The following ESRRG variants were observed in gnomAD, a reference collection of about 807,000 sequenced individuals.
The protein encoded by ESRRG is estrogen related receptor gamma, also known as estrogen-related receptor gamma.
A neutral mutation model predicts 44.0 loss-of-function variants in ESRRG; 13 were observed. The observed-to-expected ratio is 0.30, with a 90% CI of 0.19 to 0.47. The LOEUF is 0.47. ESRRG is among the 20% of genes least tolerant of loss of function. The pLI is 1.00. For missense variants in ESRRG, 395 were observed against 580.6 expected (o/e 0.68, Z 3.29); for synonymous variants, 215 against 214.6 (o/e 1.00, Z -0.02).
upstream of ESRRG, among the ~76,000 whole-genome samples, chr1:216,723,643 G>T (rs532804756): frequency 3.9e-5 from 6 of 152,180 alleles, no homozygotes; most frequent in South Asian, 1.2e-3. Context: ...ACTGAGAGTG[G>T]GCAGAGAAAA....
At chr1:216,522,192 A>C (rs1472924568) in intron 5 of ESRRG, among the ~76,000 whole-genome samples, 1 of 149,350 alleles carries the variant, frequency 6.7e-6, no homozygotes, top group East Asian at 2.0e-4. Flanking sequence ...CTGCAAACCT[A>C]ACTTTTTCCT....
rs2054969390 is a variant in ESRRG at position 216,547,655 on chromosome 1, T to C, written c.862+16564A>G. ...CTGAAAGCCAGGTGATTAATTCTCA[T>C]AGCATAGTGATCAATTGGTGCAGAT... On this transcript the variant is annotated intron_variant, in intron 5 of 6. Coordinates refer to ENST00000408911, the MANE Select transcript of ESRRG (RefSeq NM_001438.4). 2.0e-5 allele frequency among the ~76,000 whole-genome samples: 3 copies of C among 152,224 alleles called. No individual in the cohort carries two copies. The South Asian group carries it at 6.2e-4, about 32-fold the overall frequency.
upstream of ESRRG, among the ~76,000 whole-genome samples, chr1:216,726,164 A>G (rs555973293): frequency 8.5e-5 from 13 of 152,264 alleles, no homozygotes; most frequent in African/African-American, 2.9e-4. Flanking sequence ...TATTTCATCT[A>G]CGCAAGGTGC....
At chr1:216,830,066 A>G (rs1434475492) in intron 2 of ESRRG, among the ~76,000 whole-genome samples, 2 of 152,172 alleles carry the variant, frequency 1.3e-5, no homozygotes, top group African/African-American at 4.8e-5. Flanking sequence ...AATTTTATTA[A>G]CATCCTCTCC....
At chr1:216,923,338 C>T (rs2062070949) in intron 2 of ESRRG, among the ~76,000 whole-genome samples, 1 of 152,226 alleles carries the variant, frequency 6.6e-6, no homozygotes, top group Admixed American at 6.5e-5. Context: ...GCTTAATTAA[C>T]ATGCCTAAAC....
Position 216,951,717 on chromosome 1 carries a change from ATGTGTGTGTGTGTG to A in ESRRG, c.-105-12058_-105-12045del, listed in dbSNP as rs59233267. On this transcript the variant is annotated intron_variant, in intron 1 of 7. Transcript: ENST00000359162. The stretch of plus-strand genomic sequence containing the variant: ...TAATGGGTATAATGGAACTATCACT[ATGTGTGTGTGTGTG>A]TGTGTGTGTGTGTGTGTGTGTGTGT... Among the ~76,000 whole-genome samples the A allele has an allele frequency of 9.7e-5, 14 of 143,718 alleles. No individual in the cohort carries two copies. In the South Asian group the frequency reaches 1.6e-3, roughly 16 times the overall value. The allele number at this position is 143,718 out of a possible 152,430, so 94.3% of individuals were successfully genotyped here.
intron 1 of ESRRG, among the ~76,000 whole-genome samples, chr1:216,721,701 A>G (rs562119365): frequency 2.6e-5 from 4 of 152,226 alleles, no homozygotes; most frequent in Non-Finnish European, 4.4e-5. Context: ...TTTATTTACA[A>G]GAGAAAGTTC....
chr1:217,030,508 C>G (rs2081921800), intron 1 of ESRRG, among the ~76,000 whole-genome samples: 1 of 152,206 alleles, frequency 6.6e-6, no homozygotes, highest in South Asian at 2.1e-4. Flanking sequence ...TGCTGCTAGC[C>G]TAGCTGTGTG....
At chr1:216,948,207 C>T (rs1484640135) in intron 1 of ESRRG, among the ~76,000 whole-genome samples, 1 of 152,094 alleles carries the variant, frequency 6.6e-6, no homozygotes, top group Non-Finnish European at 1.5e-5. Context: ...CAATTCCTCC[C>T]ACCAGCTACT....
At chr1:216,537,887 G>T (rs949533038) in intron 5 of ESRRG, among the ~76,000 whole-genome samples, 15 of 152,042 alleles carry the variant, frequency 9.9e-5, no homozygotes, top group Non-Finnish European at 1.6e-4. Context: ...CCACCATGCA[G>T]CACTGTTTGT....
intron 2 of ESRRG, among the ~76,000 whole-genome samples, chr1:216,653,512 G>A (rs1300000057): frequency 2.0e-5 from 3 of 151,954 alleles, no homozygotes; most frequent in African/African-American, 7.3e-5. Context: ...TGAACTTTTT[G>A]AGGCAGCCAA....
rs146235020 is a variant in ESRRG, at chr1:216,738,145, T to C, written c.-13-60654A>G. Among the ~76,000 whole-genome samples, 385 of 152,032 alleles carry C rather than the reference T, an allele frequency of 2.5e-3. 1 individual carries two copies. Among genetic ancestry groups the C allele is most frequent in the African/African-American group, 9.0e-3 (372 of 41,466 alleles). ...CTCACCCAGTGAAAATCTCTGAGGG[T>C]GGGGTCCATACAGTGGTATTTTTGG... On this transcript the variant is annotated intron_variant, in intron 2 of 7. Coordinates refer to the ESRRG transcript ENST00000359162.
intron 2 of ESRRG, among the ~76,000 whole-genome samples, chr1:216,669,911 G>A (rs2074808273): frequency 6.6e-6 from 1 of 151,610 alleles, no homozygotes; most frequent in Non-Finnish European, 1.5e-5. Context: ...AAAAGTTAAA[G>A]CAATGAATTA....
chr1:216,660,365 A>G (rs2071971734), intron 2 of ESRRG, among the ~76,000 whole-genome samples: 1 of 152,122 alleles, frequency 6.6e-6, no homozygotes. Flanking sequence ...ACTCACAGGT[A>G]CTCTTTGATG....
Position 217,105,824 on chromosome 1 carries a change from C to T in ESRRG, c.-230+31843G>A, listed in dbSNP as rs116027978. Reference sequence around the variant, plus strand: ...TTCCAGCCTGTGATTTCCAAGCATGCGAAGTTGGCTATGTGACCTTGGAGT... The same window carrying T: ...TTCCAGCCTGTGATTTCCAAGCATGTGAAGTTGGCTATGTGACCTTGGAGT... On this transcript the variant is annotated intron_variant, in intron 1 of 8. Transcript: ENST00000366940. 8.9e-3 allele frequency among the ~76,000 whole-genome samples: 1,357 copies of T among 152,234 alleles called. 22 individuals carry two copies. Among genetic ancestry groups the T allele is most frequent in the African/African-American group, 0.031 (1,280 of 41,534 alleles).
intron 5 of ESRRG, among the ~76,000 whole-genome samples, chr1:216,543,123 C>T (rs553741471): frequency 1.3e-5 from 2 of 152,134 alleles, no homozygotes; most frequent in African/African-American, 2.4e-5. Flanking sequence ...CTAGTTGCCA[C>T]GTGCAACAAT....
At chr1:216,784,997 C>T (rs11572616) in intron 2 of ESRRG, among the ~76,000 whole-genome samples, 1,650 of 152,008 alleles carry the variant, frequency 0.011, 18 homozygotes, top group South Asian at 0.02. Flanking sequence ...CCCTCCGAGA[C>T]GATGGTCTGA....
chr1:216,830,352 T>A (rs776475346), intron 2 of ESRRG, among the ~76,000 whole-genome samples: 3 of 151,930 alleles, frequency 2.0e-5, no homozygotes, highest in Non-Finnish European at 2.9e-5. Flanking sequence ...AACTGGGGGG[T>A]GCTCAGAAAC....
At chr1:216,878,018 G>T (rs970791774) in intron 2 of ESRRG, among the ~76,000 whole-genome samples, 12 of 152,262 alleles carry the variant, frequency 7.9e-5, no homozygotes, top group Admixed American at 7.8e-4. Context: ...TAAAACTGCT[G>T]GGTCATGCAG....
Sources: allele counts gnomAD v4.1 joint callset (sites outside exome capture counted in the v4.1 genomes callset), GRCh38; gene constraint gnomAD v4.1.1; transcripts MANE v1.5; gene names NCBI Gene and HGNC (gene_info 2026-07-23, HGNC 2026-07-21).